ZNF280C: variants seen among roughly 807,000 people sequenced by gnomAD.
The protein encoded by ZNF280C is suppressor of hairy wing homolog 3.
In ZNF280C, 14 loss-of-function variants were observed where a neutral mutation model predicts 53.6. That is an observed-to-expected ratio of 0.26 (90% CI 0.17 to 0.41). ZNF280C has a LOEUF of 0.41. Ranked by LOEUF, ZNF280C falls within the 10% of genes least tolerant of loss-of-function variation. ZNF280C has a pLI of 1.00. For synonymous variants in ZNF280C, 203 were observed against 181.1 expected (o/e 1.12, Z -0.97); for missense variants, 416 against 547.1 (o/e 0.76, Z 2.39).
At chrX:130,264,068 A>C (rs1255316201) in intron 1 of ZNF280C, among the ~76,000 whole-genome samples, 2 of 109,238 alleles carry the variant, frequency 1.8e-5, no homozygotes, top group African/African-American at 3.3e-5. Flanking sequence ...AGAAAGAAAG[A>C]AAGAAAAAAT....
intron 10 of ZNF280C, among the ~76,000 whole-genome samples, chrX:130,228,442 C>T (rs972662111): frequency 1.2e-4 from 13 of 108,964 alleles, no homozygotes; most frequent in African/African-American, 4.0e-4. Context: ...CGCCACCTTG[C>T]CTGGCTAATT....
chrX:130,206,588 A>C (rs1046939556), intron 16 of ZNF280C, among the ~76,000 whole-genome samples: 5 of 110,607 alleles, frequency 4.5e-5, no homozygotes, highest in Non-Finnish European at 7.6e-5. Flanking sequence ...GGATGGTCTC[A>C]ATCTCCTGAC....
At chrX:130,213,939 G>A (rs1255152533) in intron 15 of ZNF280C, among the ~76,000 whole-genome samples, 1 of 111,801 alleles carries the variant, frequency 8.9e-6, no homozygotes, top group East Asian at 2.8e-4. Context: ...TAATCTGCAA[G>A]AAAACAACTT....
chrX:130,208,136 T>A (rs910366180), intron 16 of ZNF280C, among the ~76,000 whole-genome samples: 9 of 112,193 alleles, frequency 8.0e-5, no homozygotes, highest in East Asian at 5.5e-4. Flanking sequence ...CAGATTTTTT[T>A]AAAAAAATTT....
intron 3 of ZNF280C, among the ~76,000 whole-genome samples, chrX:130,244,805 G>T (rs906009461): frequency 1.6e-3 from 139 of 87,393 alleles, no homozygotes; most frequent in Non-Finnish European, 2.8e-3. Flanking sequence ...AAAAAAGAGA[G>T]AAAAGAATCA....
At chrX:130,247,487 T>C (rs1433601681) in intron 2 of ZNF280C, among the ~76,000 whole-genome samples, 1 of 111,029 alleles carries the variant, frequency 9.0e-6, no homozygotes, top group African/African-American at 3.3e-5. Flanking sequence ...TCCCCCACCC[T>C]GAGCGGCCAT....
chrX:130,211,610 C>T (rs752753445), intron 15 of ZNF280C, among the ~76,000 whole-genome samples: 1 of 111,453 alleles, frequency 9.0e-6, no homozygotes, highest in East Asian at 2.8e-4. Context: ...AGGGGAAAAG[C>T]AAAGGGACCT....
chrX:130,260,065 G>A (rs907689430), intron 2 of ZNF280C, among the ~76,000 whole-genome samples: 4 of 111,219 alleles, frequency 3.6e-5, no homozygotes, highest in Non-Finnish European at 7.5e-5. Context: ...GGTGGATCAC[G>A]AAGTCAGGAG....
At chrX:130,244,290 A>T (rs1441908082) in intron 3 of ZNF280C, among the ~76,000 whole-genome samples, 2 of 111,841 alleles carry the variant, frequency 1.8e-5, no homozygotes, top group Non-Finnish European at 3.8e-5. Flanking sequence ...AGCCTCACAA[A>T]ACCCTCTGGA....
intron 5 of ZNF280C, 63 bp from the exon 6 acceptor site, chrX:130,239,756 C>A: frequency 5.0e-6 from 3 of 605,215 alleles, no homozygotes; most frequent in Non-Finnish European, 5.3e-6. Flanking sequence ...AGCTGTATGT[C>A]AATACTATAA....
At chrX:130,205,495 G>T in intron 16 of ZNF280C, 80 bp from the exon 17 acceptor site, 1 of 647,838 alleles carries the variant, frequency 1.5e-6, no homozygotes, top group Non-Finnish European at 2.3e-6. Flanking sequence ...ACTTTTCCAT[G>T]TACTAACTTG....
Position 130,230,677 on chromosome X carries a change from T to C in ZNF280C, c.822A>G (p.Ser274=), listed in dbSNP as rs763465304. 8.3e-7 allele frequency: 1 copy of C among 1,209,176 alleles called. No homozygotes were observed. The highest frequency in any genetic ancestry group is 1.1e-6 in the Non-Finnish European group (1 of 894,175). ...TCTTGTCTTCATCACATGGACGTTC[T>C]GATTTAACAATTACTCCCAAAAATT... ...ITKFLGVIVK[S]ERPCDEDKTD... Residue 274 remains serine, a synonymous_variant, in exon 9 of 19, where the codon TCA becomes TCG. Coordinates refer to ENST00000370978, the MANE Select transcript of ZNF280C (RefSeq NM_017666.5).
At chrX:130,227,887 T>C in intron 10 of ZNF280C, 105 bp from the exon 11 acceptor site, 1 of 471,241 alleles carries the variant, frequency 2.1e-6, no homozygotes, top group East Asian at 3.8e-5. Context: ...GTAACAGTGA[T>C]GTGGTTCTAA....
intron 11 of ZNF280C, 73 bp from the exon 12 acceptor site, chrX:130,226,978 A>G: frequency 9.9e-7 from 1 of 1,011,027 alleles, no homozygotes; most frequent in East Asian, 3.1e-5. Flanking sequence ...AAGTAGCAAT[A>G]ACGGGTCATC....
chrX:130,253,926 G>C (rs191548594), intron 2 of ZNF280C, among the ~76,000 whole-genome samples: 102 of 112,104 alleles, frequency 9.1e-4, no homozygotes, highest in African/African-American at 2.9e-3. Context: ...CTAATTAAAT[G>C]AAACTATAGA....
chrX:130,211,037 A>G (rs751390554), intron 15 of ZNF280C, among the ~76,000 whole-genome samples: 1 of 112,258 alleles, frequency 8.9e-6, no homozygotes, highest in Non-Finnish European at 1.9e-5. Context: ...GCACTGACAG[A>G]CCCAACACAG....
At chrX:130,239,214 G>A (rs1457389018) in intron 6 of ZNF280C, among the ~76,000 whole-genome samples, 1 of 111,325 alleles carries the variant, frequency 9.0e-6, no homozygotes, top group African/African-American at 3.3e-5. Flanking sequence ...AACCATGCAC[G>A]TTTTCTCATA....
chrX:130,223,087 G>C (rs1368879790), intron 12 of ZNF280C, among the ~76,000 whole-genome samples: 2 of 109,899 alleles, frequency 1.8e-5, no homozygotes, highest in East Asian at 5.8e-4. Context: ...TTTTGAGACG[G>C]AGTCTTGCTC....
chrX:130,266,304 CAG>C (rs1187717385), intron 1 of ZNF280C, among the ~76,000 whole-genome samples: 2 of 111,234 alleles, frequency 1.8e-5, no homozygotes, highest in African/African-American at 3.3e-5. Context: ...CTCATAGAAA[CAG>C]AGAGTAGAAA....
Sources: gnomAD v4.1 joint callset for allele counts (sites outside exome capture counted in the v4.1 genomes callset) on GRCh38, gnomAD v4.1.1 for gene constraint, MANE v1.5 for transcripts, NCBI Gene and HGNC (gene_info 2026-07-23, HGNC 2026-07-21) for gene names.